Variants in FBXL13 observed in about 807,000 individuals in gnomAD.
FBXL13 encodes F-box and leucine-rich repeat protein 13.
In FBXL13, 67 loss-of-function variants were observed where a neutral mutation model predicts 83.6. The ratio of observed to expected loss-of-function variants is 0.80; its 90% CI spans 0.66 to 0.98. The LOEUF (loss-of-function observed/expected upper bound fraction) is 0.98, where lower values mean the gene tolerates loss of function less well. FBXL13 is among the 50% of genes least tolerant of loss of function. FBXL13 has a pLI of 0.00. For synonymous variants in FBXL13, 272 were observed against 299.5 expected (o/e 0.91, Z 0.95); for missense variants, 822 against 866.5 (o/e 0.95, Z 0.64).
At chr7:102,934,817 C>A in intron 8 of FBXL13, 1 of 860,434 alleles carries the variant, frequency 1.2e-6, no homozygotes, top group Non-Finnish European at 1.8e-6. Context: ...TCCCTATTGA[C>A]AATGGAATTT....
chr7:102,930,326 G>A (rs1358373454), intron 9 of FBXL13, among the ~76,000 whole-genome samples: 1 of 151,974 alleles, frequency 6.6e-6, no homozygotes, highest in Non-Finnish European at 1.5e-5. Flanking sequence ...TCTCGTTAGG[G>A]ACTTACTCCA....
In FBXL13 at chr7:102,830,229, CA is replaced by C. The variant is rs1278296514; in HGVS notation, c.1854+2610del. Among the ~76,000 whole-genome samples the C allele has an allele frequency of 2.6e-5, 4 of 152,130 alleles. No homozygotes were observed. In the South Asian group the frequency reaches 8.3e-4, roughly 32 times the overall value. ...AAACCAAAGCAAACAAACAAACAAACAAAATCCTCTGCCCTATTTTCTGTTT... is the reference window on the plus strand; with the variant it reads ...AAACCAAAGCAAACAAACAAACAAACAAATCCTCTGCCCTATTTTCTGTTT... On this transcript the variant is annotated intron_variant, in intron 18 of 19. Coordinates refer to ENST00000313221, the Ensembl canonical transcript of FBXL13.
chr7:102,848,743 CA>C (rs1196693702), intron 17 of FBXL13, among the ~76,000 whole-genome samples: 4 of 151,956 alleles, frequency 2.6e-5, no homozygotes, highest in Admixed American at 2.0e-4. Context: ...CCCATAATTC[CA>C]GCAGTTTGGG....
chr7:102,906,665 T>C (rs534123055), intron 11 of FBXL13, among the ~76,000 whole-genome samples: 31 of 152,364 alleles, frequency 2.0e-4, no homozygotes, highest in African/African-American at 7.0e-4. Context: ...AAAAATGGCA[T>C]GTCATTCTCT....
At chr7:102,914,802 C>T (rs754763304) in intron 10 of FBXL13, among the ~76,000 whole-genome samples, 1 of 152,182 alleles carries the variant, frequency 6.6e-6, no homozygotes, top group African/African-American at 2.4e-5. Context: ...CACGCCCCCT[C>T]TCTTGGGGCT....
At chr7:102,975,863 G>A (rs1466391557) in intron 6 of FBXL13, 2 of 707,002 alleles carry the variant, frequency 2.8e-6, no homozygotes, top group South Asian at 1.5e-5. Context: ...AAACAGGCAG[G>A]GTTTCAAATG....
chr7:103,000,365 A>G (rs991345681), intron 6 of FBXL13, among the ~76,000 whole-genome samples: 2 of 152,208 alleles, frequency 1.3e-5, no homozygotes, highest in Admixed American at 1.3e-4. Context: ...ATTAAAAAAC[A>G]ATGAATGAAT....
At chr7:103,058,161 A>C (rs1170320885) in intron 1 of FBXL13, among the ~76,000 whole-genome samples, 2 of 152,126 alleles carry the variant, frequency 1.3e-5, no homozygotes, top group African/African-American at 4.8e-5. Flanking sequence ...CAATGGCTCC[A>C]TGCTCCTCTT....
chr7:102,884,979 T>TAGCACA (rs1810606716), intron 11 of FBXL13, among the ~76,000 whole-genome samples: 1 of 152,190 alleles, frequency 6.6e-6, no homozygotes, highest in Non-Finnish European at 1.5e-5. Context: ...ACCTCAATCG[T>TAGCACA]TTTTATGACT....
intron 6 of FBXL13, among the ~76,000 whole-genome samples, chr7:103,004,782 G>C (rs1161547956): frequency 6.6e-6 from 1 of 152,078 alleles, no homozygotes; most frequent in Non-Finnish European, 1.5e-5. Flanking sequence ...GTACACCCAG[G>C]AATCAACTCA....
At chr7:103,069,111 G>T (rs943681277) in intron 1 of FBXL13, among the ~76,000 whole-genome samples, 1 of 151,896 alleles carries the variant, frequency 6.6e-6, no homozygotes, top group Non-Finnish European at 1.5e-5. Context: ...CCTCTGCCTG[G>T]CTGTCGCCCC....
chr7:102,973,652 G>A (rs374080339), intron 6 of FBXL13: 3 of 766,202 alleles, frequency 3.9e-6, no homozygotes, highest in East Asian at 2.4e-5. Flanking sequence ...TCCGGTCTTC[G>A]TCCCCCGTGG....
chr7:102,834,065 G>T (rs1333823319), intron 17 of FBXL13, among the ~76,000 whole-genome samples: 1 of 111,302 alleles, frequency 9.0e-6, no homozygotes, highest in Non-Finnish European at 1.7e-5. Context: ...AGGAAGGAAG[G>T]AAGGAAGGAA....
At chr7:102,873,302 G>GTC (rs1253638932) in intron 16 of FBXL13, among the ~76,000 whole-genome samples, 3 of 152,158 alleles carry the variant, frequency 2.0e-5, no homozygotes, top group South Asian at 4.1e-4. Context: ...CCTGCTCCCT[G>GTC]ACTGTGTAAG....
intron 8 of FBXL13, among the ~76,000 whole-genome samples, chr7:102,935,283 G>A (rs372139587): frequency 9.0e-6 from 1 of 110,618 alleles, no homozygotes; most frequent in Non-Finnish European, 1.6e-5. Flanking sequence ...ATGGACTCTC[G>A]CTCTGATGCC....
chr7:102,976,074 C>T (rs370464599), intron 6 of FBXL13: 1 of 766,306 alleles, frequency 1.3e-6, no homozygotes, highest in African/African-American at 1.7e-5. Context: ...CTGTGAGCGG[C>T]CCCTGCAAGG....
chr7:102,830,589 T>C (rs1307448407), intron 18 of FBXL13, among the ~76,000 whole-genome samples: 1 of 152,208 alleles, frequency 6.6e-6, no homozygotes, highest in Non-Finnish European at 1.5e-5. Context: ...TGTGAACTTT[T>C]TGGCTTAGTT....
intron 17 of FBXL13, among the ~76,000 whole-genome samples, chr7:102,833,696 T>C (rs534397516): frequency 3.3e-5 from 5 of 152,094 alleles, no homozygotes; most frequent in African/African-American, 1.2e-4. Context: ...GTGCTGGGAT[T>C]ATAGGCATGA....
chr7:102,995,798 A>AATAAATAAATAAATAG (rs1337532482), intron 6 of FBXL13, among the ~76,000 whole-genome samples: 3 of 151,406 alleles, frequency 2.0e-5, no homozygotes, highest in African/African-American at 4.8e-5. Flanking sequence ...TAAATAAATA[A>AATAAATAAATAAATAG]ATAAATAAAT....
Sources: allele counts gnomAD v4.1 joint callset (sites outside exome capture counted in the v4.1 genomes callset), GRCh38; gene constraint gnomAD v4.1.1; transcripts MANE v1.5; gene names NCBI Gene and HGNC (gene_info 2026-07-23, HGNC 2026-07-21).